Variants in LCLAT1 observed in about 807,000 individuals in gnomAD.
The protein encoded by LCLAT1 is lysocardiolipin acyltransferase 1.
LCLAT1 carries 11 observed loss-of-function variants against 30.7 expected under a neutral mutation model. The ratio of observed to expected loss-of-function variants is 0.36; its 90% confidence interval spans 0.23 to 0.59. LCLAT1 has a LOEUF of 0.59. Ranked by LOEUF, LCLAT1 falls within the 20% of genes least tolerant of loss-of-function variation. The pLI is 0.77. For synonymous variants in LCLAT1, 155 were observed against 151.3 expected, an observed-to-expected ratio of 1.02 and a Z score of -0.18; for missense variants, 402 against 458.6, an observed-to-expected ratio of 0.88 and a Z score of 1.13.
At chr2:30,567,646 A>G (rs1249627071) in intron 4 of LCLAT1, among the ~76,000 whole-genome samples, 2 of 152,232 alleles carry the variant, frequency 1.3e-5, no homozygotes, top group South Asian at 2.1e-4. Context: ...CGAGACAGCC[A>G]TCAGAACAAG....
intron 5 of LCLAT1, chr2:30,605,903 A>T: frequency 1.8e-6 from 1 of 553,582 alleles, no homozygotes; most frequent in Non-Finnish European, 2.6e-6. Context: ...ATCAGGCATT[A>T]GTTAGATTCT....
At chr2:30,519,047 T>C (rs1252646) in intron 1 of LCLAT1, among the ~76,000 whole-genome samples, 108,063 of 152,124 alleles carry the variant, frequency 0.71, 40,184 homozygotes, top group East Asian at 0.87. Flanking sequence ...ACCAAAGGCT[T>C]ACCTCTACTC....
At chr2:30,632,728 A>C (rs544934156) in intron 5 of LCLAT1, among the ~76,000 whole-genome samples, 1 of 152,244 alleles carries the variant, frequency 6.6e-6, no homozygotes, top group African/African-American at 2.4e-5. Context: ...GCTCTTCACA[A>C]AACCCTACGA....
intron 1 of LCLAT1, among the ~76,000 whole-genome samples, chr2:30,519,479 G>T (rs1685365921): frequency 6.6e-6 from 1 of 152,136 alleles, no homozygotes; most frequent in Non-Finnish European, 1.5e-5. Flanking sequence ...CAGCACTTGG[G>T]TTTTCCTGTT....
intron 5 of LCLAT1, among the ~76,000 whole-genome samples, chr2:30,609,108 C>T (rs1164073233): frequency 6.6e-6 from 1 of 152,060 alleles, no homozygotes; most frequent in Non-Finnish European, 1.5e-5. Flanking sequence ...TATATCTTGT[C>T]TGTGTTTCTA....
intron 5 of LCLAT1, among the ~76,000 whole-genome samples, chr2:30,584,519 TGTATG>T (rs1666344025): frequency 6.6e-6 from 1 of 152,190 alleles, no homozygotes; most frequent in South Asian, 2.1e-4. Flanking sequence ...ATCACTGCTT[TGTATG>T]GTATAGAGCT....
intron 5 of LCLAT1, among the ~76,000 whole-genome samples, chr2:30,592,299 A>G (rs1447145712): frequency 6.6e-6 from 1 of 152,132 alleles, no homozygotes; most frequent in East Asian, 1.9e-4. Context: ...TGGGCAACAT[A>G]GGGAGACCCT....
At chr2:30,590,667 A>G (rs1666650397) in intron 5 of LCLAT1, among the ~76,000 whole-genome samples, 1 of 151,784 alleles carries the variant, frequency 6.6e-6, no homozygotes, top group Non-Finnish European at 1.5e-5. Context: ...CTTATGTTTC[A>G]CTGTTTGAAA....
intron 5 of LCLAT1, among the ~76,000 whole-genome samples, chr2:30,611,506 A>G (rs1399436075): frequency 3.9e-5 from 6 of 152,066 alleles, no homozygotes; most frequent in Non-Finnish European, 5.9e-5. Context: ...TCAGGTTTCT[A>G]AGAGTTGTTA....
chr2:30,611,754 G>C (rs1667749283), intron 5 of LCLAT1, among the ~76,000 whole-genome samples: 1 of 152,172 alleles, frequency 6.6e-6, no homozygotes, highest in African/African-American at 2.4e-5. Context: ...TCAGCTGAGG[G>C]AAGTGGTTCA....
chr2:30,568,420 CAT>C (rs57983028), intron 5 of LCLAT1, among the ~76,000 whole-genome samples: 2 of 150,208 alleles, frequency 1.3e-5, no homozygotes, highest in African/African-American at 2.5e-5. Flanking sequence ...CTCTATATTA[CAT>C]ATATATATAT....
intron 1 of LCLAT1, among the ~76,000 whole-genome samples, chr2:30,497,486 A>G (rs1684176414): frequency 6.6e-6 from 1 of 152,154 alleles, no homozygotes; most frequent in Non-Finnish European, 1.5e-5. Context: ...ATTTTGTTAA[A>G]TATCTGAAAA....
rs114618169 is a variant in LCLAT1, at chr2:30,501,768, A to T, written c.-4-23819A>T. Among the ~76,000 whole-genome samples the T allele has an allele frequency of 9.4e-3, 1,428 of 152,356 alleles. 24 individuals carry two copies. The highest frequency in any genetic ancestry group is 0.032 in the African/African-American group (1,339 of 41,590). ...ATCACTTGTTGGATGCCCTCCCCTG[A>T]AACAGTGGTATTTTATGCCTTCCAA... On this transcript the variant is annotated intron_variant, in intron 1 of 5. Coordinates refer to ENST00000379509, the MANE Select transcript of LCLAT1 (RefSeq NM_001002257.3).
At chr2:30,572,447 C>T (rs922046714) in intron 5 of LCLAT1, among the ~76,000 whole-genome samples, 2 of 152,200 alleles carry the variant, frequency 1.3e-5, no homozygotes, top group Non-Finnish European at 2.9e-5. Context: ...CCTATTGAAT[C>T]AATCTGGTGA....
chr2:30,459,456 C>T (rs1384656266), intron 1 of LCLAT1: 3 of 667,540 alleles, frequency 4.5e-6, no homozygotes, highest in Admixed American at 2.5e-5. Flanking sequence ...GTCCCTGGGC[C>T]CGTAATCTGT....
At chr2:30,516,404 C>T (rs1238597234) in intron 1 of LCLAT1, among the ~76,000 whole-genome samples, 1 of 152,196 alleles carries the variant, frequency 6.6e-6, no homozygotes, top group Non-Finnish European at 1.5e-5. Context: ...GTCTGCTGCG[C>T]TTCTGATGCA....
intron 5 of LCLAT1, among the ~76,000 whole-genome samples, chr2:30,636,318 G>A (rs1201413069): frequency 6.6e-6 from 1 of 152,198 alleles, no homozygotes; most frequent in Non-Finnish European, 1.5e-5. Context: ...TATGGAGATA[G>A]TATTGAAATG....
intron 1 of LCLAT1, among the ~76,000 whole-genome samples, chr2:30,479,029 A>G (rs1683191008): frequency 6.6e-6 from 1 of 152,140 alleles, no homozygotes; most frequent in African/African-American, 2.4e-5. Context: ...GGCATTATTC[A>G]TATAGCTCAA....
rs1238295781 is a variant in LCLAT1, at chr2:30,476,744, C to G, written c.-5+29361C>G. On this transcript the variant is annotated intron_variant, in intron 1 of 5. Transcript: ENST00000379509. ...AATCCTGAAACCACCCCTTCCCCTGCCCCTGCCATCCATGGAAAAATCGTC... is the reference window on the plus strand; with the variant it reads ...AATCCTGAAACCACCCCTTCCCCTGGCCCTGCCATCCATGGAAAAATCGTC... 4 of 298,100 alleles carry G rather than the reference C, an allele frequency of 1.3e-5. No homozygotes were observed. In the East Asian group the frequency reaches 3.2e-4, roughly 24 times the overall value. 18.5% of individuals were successfully genotyped at this position (298,100 alleles called of 1,614,324 possible). A position where few individuals can be genotyped will look rare whatever the true frequency, so the allele number is the denominator to read the frequency against.
Sources: allele counts gnomAD v4.1 joint callset (sites outside exome capture counted in the v4.1 genomes callset), GRCh38; gene constraint gnomAD v4.1.1; transcripts MANE v1.5; gene names NCBI Gene and HGNC (gene_info 2026-07-23, HGNC 2026-07-21).